The following DAB1 variants were observed in gnomAD, a reference collection of about 807,000 sequenced individuals.
DAB1 encodes the protein disabled homolog 1.
DAB1 carries 15 observed loss-of-function variants against 64.6 expected under a neutral mutation model. The observed-to-expected ratio is 0.23, with a 90% CI of 0.16 to 0.36. The LOEUF (loss-of-function observed/expected upper bound fraction) is 0.36. DAB1 is among the 10% of genes least tolerant of loss of function. DAB1 has a pLI of 1.00. For synonymous variants in DAB1, 235 were observed against 251.9 expected (o/e 0.93, Z 0.64); for missense variants, 596 against 706.7 (o/e 0.84, Z 1.78).
At position 57,288,425 on chromosome 1, in the gene DAB1, G is replaced by T. The variant is rs950911483; in HGVS notation, c.67+2539C>A. On this transcript the variant is annotated intron_variant, in intron 2 of 14. Transcript: ENST00000371236. ...CCCAGTGGCATGGTGTTTGGAAATG[G>T]GGCCTTTGGAAGGTAATTATGGTTA... Among the ~76,000 whole-genome samples, 10 of 152,108 alleles carry T rather than the reference G, an allele frequency of 6.6e-5. No homozygotes were observed. In the East Asian group the frequency reaches 1.9e-3, roughly 29 times the overall value.
intron 2 of DAB1, among the ~76,000 whole-genome samples, chr1:57,272,443 C>G (rs933302576): frequency 2.0e-5 from 3 of 152,188 alleles, no homozygotes; most frequent in African/African-American, 7.2e-5. Flanking sequence ...GCTGCCTGGG[C>G]TTTGGTTTTC....
chr1:57,468,713 C>T (rs1687039441), intron 7 of DAB1, among the ~76,000 whole-genome samples: 1 of 152,008 alleles, frequency 6.6e-6, no homozygotes, highest in Admixed American at 6.6e-5. Context: ...AGCAGATGCT[C>T]AATATGGAAA....
intron 4 of DAB1, among the ~76,000 whole-genome samples, chr1:58,235,405 G>T (rs1659973859): frequency 5.9e-5 from 9 of 152,168 alleles, no homozygotes; most frequent in Admixed American, 5.9e-4. Context: ...TATTTCACAA[G>T]AATTTTCTAA....
At chr1:57,262,783 C>G (rs544215384) in intron 2 of DAB1, among the ~76,000 whole-genome samples, 1 of 152,206 alleles carries the variant, frequency 6.6e-6, no homozygotes, top group African/African-American at 2.4e-5. Flanking sequence ...CAGCATCCTG[C>G]TCCCAGCCAG....
intron 4 of DAB1, among the ~76,000 whole-genome samples, chr1:58,329,158 G>C (rs1444188248): frequency 6.6e-6 from 1 of 152,176 alleles, no homozygotes; most frequent in African/African-American, 2.4e-5. Flanking sequence ...AGAAAATGTA[G>C]ATAAGCAAAG....
At chr1:58,137,986 T>C (rs1654042848) in intron 5 of DAB1, among the ~76,000 whole-genome samples, 1 of 152,196 alleles carries the variant, frequency 6.6e-6, no homozygotes, top group Non-Finnish European at 1.5e-5. Context: ...AGACCTGTAC[T>C]TACAGCTTAG....
intron 5 of DAB1, among the ~76,000 whole-genome samples, chr1:57,960,049 C>T (rs190245264): frequency 4.6e-5 from 7 of 152,298 alleles, no homozygotes; most frequent in East Asian, 3.9e-4. Context: ...TGCCAGAGCG[C>T]GTTTCTGCTG....
chr1:57,052,282 C>T (rs950827236), intron 9 of DAB1, among the ~76,000 whole-genome samples: 5 of 152,102 alleles, frequency 3.3e-5, no homozygotes, highest in Non-Finnish European at 5.9e-5. Flanking sequence ...CATTATACAA[C>T]AAAGAAAGAA....
intron 5 of DAB1, among the ~76,000 whole-genome samples, chr1:57,900,705 A>G (rs1305660311): frequency 2.0e-5 from 3 of 152,128 alleles, no homozygotes; most frequent in Non-Finnish European, 4.4e-5. Flanking sequence ...GCTTAGTAGT[A>G]TTTCTGTTTA....
chr1:57,415,704 G>A (rs916059733), intron 1 of DAB1, among the ~76,000 whole-genome samples: 1 of 152,140 alleles, frequency 6.6e-6, no homozygotes, highest in Non-Finnish European at 1.5e-5. Flanking sequence ...CTTATACCTA[G>A]AACTTTCGTG....
intron 6 of DAB1, among the ~76,000 whole-genome samples, chr1:57,767,769 G>C (rs1178758082): frequency 1.3e-5 from 2 of 152,146 alleles, no homozygotes; most frequent in Non-Finnish European, 2.9e-5. Context: ...GGAAGCCTCT[G>C]TTCTCCACAT....
At chr1:57,298,598 C>G (rs998147258) in intron 1 of DAB1, among the ~76,000 whole-genome samples, 1 of 152,072 alleles carries the variant, frequency 6.6e-6, no homozygotes, top group African/African-American at 2.4e-5. Context: ...AACAGCTCAT[C>G]TTCACGATGT....
At chr1:57,233,700 A>C (rs1386077921) in intron 2 of DAB1, among the ~76,000 whole-genome samples, 1 of 151,616 alleles carries the variant, frequency 6.6e-6, no homozygotes, top group Non-Finnish European at 1.5e-5. Context: ...CGGAAGTTTC[A>C]GTGAGCCGAG....
intron 2 of DAB1, among the ~76,000 whole-genome samples, chr1:57,241,979 T>A (rs1668527913): frequency 6.6e-6 from 1 of 152,192 alleles, no homozygotes; most frequent in South Asian, 2.1e-4. Flanking sequence ...TTTCCCCCAT[T>A]CCTATATTTC....
At chr1:57,623,037 A>C (rs1226263046) in intron 7 of DAB1, among the ~76,000 whole-genome samples, 1 of 152,204 alleles carries the variant, frequency 6.6e-6, no homozygotes, top group Admixed American at 6.5e-5. Context: ...TAGTCTTCAT[A>C]ATAAATTTAT....
At chr1:57,286,326 T>C (rs372603391) in intron 2 of DAB1, among the ~76,000 whole-genome samples, 6 of 152,274 alleles carry the variant, frequency 3.9e-5, no homozygotes, top group African/African-American at 1.4e-4. Flanking sequence ...AGTTAAAATA[T>C]CTGCCCCAGG....
chr1:57,517,233 C>T (rs1334671022), intron 7 of DAB1, among the ~76,000 whole-genome samples: 1 of 151,972 alleles, frequency 6.6e-6, no homozygotes, highest in Non-Finnish European at 1.5e-5. Flanking sequence ...GCAATCATAC[C>T]TCATTGCAGC....
intron 7 of DAB1, among the ~76,000 whole-genome samples, chr1:57,567,272 T>C (rs138835627): frequency 0.035 from 5,401 of 152,260 alleles, 314 homozygotes; most frequent in African/African-American, 0.12. Context: ...TGATGGGATG[T>C]ATCTCAAAAT....
chr1:57,147,356 G>T (rs1440294161), intron 2 of DAB1, among the ~76,000 whole-genome samples: 1 of 151,880 alleles, frequency 6.6e-6, no homozygotes, highest in Non-Finnish European at 1.5e-5. Context: ...ACAATCCTGG[G>T]AGGGTGGGAG....
Sources: gnomAD v4.1 joint callset for allele counts (sites outside exome capture counted in the v4.1 genomes callset) on GRCh38, gnomAD v4.1.1 for gene constraint, MANE v1.5 for transcripts, NCBI Gene and HGNC (gene_info 2026-07-23, HGNC 2026-07-21) for gene names.